GABBR2: variants seen among roughly 807,000 people sequenced by gnomAD.
The protein encoded by GABBR2 is gamma-aminobutyric acid type B receptor subunit 2, also known as G-protein coupled receptor 51.
In GABBR2, 23 loss-of-function variants were observed where a neutral mutation model predicts 105.6. That is an observed-to-expected ratio of 0.22 (90% confidence interval 0.16 to 0.31). The LOEUF (loss-of-function observed/expected upper bound fraction) is 0.31. Among genes scored for constraint, GABBR2 ranks in the 10% least tolerant of loss-of-function variants. GABBR2 has a pLI of 1.00. For synonymous variants in GABBR2, 478 were observed against 499.7 expected, an observed-to-expected ratio of 0.96 and a Z score of 0.58; for missense variants, 734 against 1,245.5, an observed-to-expected ratio of 0.59 and a Z score of 6.18.
intron 11 of GABBR2, among the ~76,000 whole-genome samples, chr9:98,381,238 A>G (rs59263286): frequency 0.05 from 7,571 of 152,328 alleles, 658 homozygotes; most frequent in African/African-American, 0.17. Flanking sequence ...TACAGATGAG[A>G]AAACTGAGGT....
At chr9:98,624,573 AAG>A (rs1829709133) in intron 1 of GABBR2, among the ~76,000 whole-genome samples, 1 of 152,044 alleles carries the variant, frequency 6.6e-6, no homozygotes, top group Non-Finnish European at 1.5e-5. Flanking sequence ...AGTAGGGAGG[AAG>A]AGAGTCTCTC....
intron 3 of GABBR2, among the ~76,000 whole-genome samples, chr9:98,539,961 G>C (rs1191473693): frequency 6.6e-6 from 1 of 150,920 alleles, no homozygotes; most frequent in African/African-American, 2.4e-5. Flanking sequence ...GAAAAAGCAA[G>C]TCTCTCTAAA....
At chr9:98,704,217 A>G (rs911777095) in intron 1 of GABBR2, among the ~76,000 whole-genome samples, 5 of 152,164 alleles carry the variant, frequency 3.3e-5, no homozygotes, top group African/African-American at 1.2e-4. Flanking sequence ...ACAGTCCTTT[A>G]AATCCTTTTT....
intron 1 of GABBR2, among the ~76,000 whole-genome samples, chr9:98,581,850 AC>A (rs1340448331): frequency 1.3e-5 from 2 of 152,262 alleles, no homozygotes; most frequent in Non-Finnish European, 2.9e-5. Context: ...ATTTATTAAT[AC>A]ATGCTTGCTT....
intron 1 of GABBR2, among the ~76,000 whole-genome samples, chr9:98,668,521 C>G (rs772880113): frequency 5.9e-5 from 9 of 152,128 alleles, no homozygotes; most frequent in Non-Finnish European, 1.2e-4. Flanking sequence ...ATACACATAA[C>G]ATAAAATTGA....
chr9:98,464,513 C>A lies in GABBR2; in HGVS notation c.999+8633G>T, dbSNP rs541032498. On this transcript the variant is annotated intron_variant, in intron 6 of 18. Transcript: ENST00000259455. ...AGTGAGGAGTGCCTCTGCCCAGCCG[C>A]CCCGTCTGGGAGGTGGGGGGCGCCT... Among the ~76,000 whole-genome samples the A allele has an allele frequency of 3.2e-4, 48 of 151,516 alleles. No individual in the cohort carries two copies. In the East Asian group the frequency reaches 9.1e-3, roughly 29 times the overall value.
rs1564109423 is a variant in GABBR2, at chr9:98,542,059, G to A, written c.460-16C>T. 1 of 1,612,368 alleles carries A rather than the reference G, an allele frequency of 6.2e-7. No homozygotes were observed. The highest frequency in any genetic ancestry group is 1.1e-5 in the South Asian group (1 of 90,918). On this transcript the variant is annotated splice_polypyrimidine_tract_variant and intron_variant, in intron 2 of 18. Coordinates refer to ENST00000259455, the MANE Select transcript of GABBR2 (RefSeq NM_005458.8). ...CAAAAGAAAGCTGAAAAACACAAAA[G>A]AGACAACGCTTTTTACTGATGAGCC...
intron 3 of GABBR2, among the ~76,000 whole-genome samples, chr9:98,526,720 T>C (rs975409803): frequency 6.6e-6 from 1 of 152,208 alleles, no homozygotes; most frequent in African/African-American, 2.4e-5. Context: ...TCAATACATA[T>C]GTCTTAAATG....
At chr9:98,704,333 T>C (rs1363625309) in intron 1 of GABBR2, among the ~76,000 whole-genome samples, 1 of 152,212 alleles carries the variant, frequency 6.6e-6, no homozygotes, top group Admixed American at 6.5e-5. Context: ...ATCAGGGTGG[T>C]CTTTCTGACA....
intron 12 of GABBR2, among the ~76,000 whole-genome samples, chr9:98,364,213 G>C (rs1013107229): frequency 6.6e-6 from 1 of 152,184 alleles, no homozygotes; most frequent in African/African-American, 2.4e-5. Flanking sequence ...CAGAAACCCA[G>C]CTTAACTCTC....
At chr9:98,686,006 A>G (rs1309501164) in intron 1 of GABBR2, among the ~76,000 whole-genome samples, 4 of 152,124 alleles carry the variant, frequency 2.6e-5, no homozygotes, top group African/African-American at 9.7e-5. Context: ...AACTTTAGTC[A>G]GGCTCCTCTG....
At chr9:98,376,783 GGGAACGGT>G (rs1831881939) in intron 11 of GABBR2, among the ~76,000 whole-genome samples, 1 of 152,194 alleles carries the variant, frequency 6.6e-6, no homozygotes, top group South Asian at 2.1e-4. Flanking sequence ...GCCTTTCTGG[GGGAACGGT>G]GCAGGGGGCA....
At chr9:98,524,810 A>T (rs902669106) in intron 3 of GABBR2, among the ~76,000 whole-genome samples, 4 of 152,080 alleles carry the variant, frequency 2.6e-5, no homozygotes, top group Non-Finnish European at 4.4e-5. Flanking sequence ...TAAGTCAGAT[A>T]AAATCCCTCT....
chr9:98,518,432 G>A (rs909024227), intron 3 of GABBR2, among the ~76,000 whole-genome samples: 8 of 152,128 alleles, frequency 5.3e-5, no homozygotes, highest in South Asian at 2.1e-4. Flanking sequence ...CCATGCATGC[G>A]CGAATCCCCT....
chr9:98,358,362 G>T (rs1004090053), intron 13 of GABBR2, among the ~76,000 whole-genome samples: 2 of 152,220 alleles, frequency 1.3e-5, no homozygotes, highest in South Asian at 2.1e-4. Context: ...CTCAGCACTT[G>T]GTTCACTGGA....
At chr9:98,311,736 A>G (rs1224596136) in intron 13 of GABBR2, among the ~76,000 whole-genome samples, 1 of 152,290 alleles carries the variant, frequency 6.6e-6, no homozygotes, top group Admixed American at 6.5e-5. Context: ...TGTGTACCAC[A>G]TGACTCATCC....
At chr9:98,491,766 C>A (rs937102256) in intron 4 of GABBR2, among the ~76,000 whole-genome samples, 7 of 152,038 alleles carry the variant, frequency 4.6e-5, no homozygotes, top group African/African-American at 1.7e-4. Context: ...TGCCTATTGC[C>A]GTATCTATTT....
At position 98,472,832 on chromosome 9, in the gene GABBR2, A is replaced by T. The variant is rs1333350006; in HGVS notation, c.999+314T>A. 3.9e-5 allele frequency among the ~76,000 whole-genome samples: 6 copies of T among 152,254 alleles called. No homozygotes were observed. In the South Asian group the frequency reaches 1.2e-3, roughly 32 times the overall value. ...ACATCTTAGGTAAAAGGAGCACGGG[A>T]TGAACTTTTACAGAGTCTAAAGGGC... On this transcript the variant is annotated intron_variant, in intron 6 of 18. Transcript: ENST00000259455.
chr9:98,648,760 G>A (rs1830064792), intron 1 of GABBR2, among the ~76,000 whole-genome samples: 1 of 152,160 alleles, frequency 6.6e-6, no homozygotes, highest in African/African-American at 2.4e-5. Context: ...TTTCGAGAAT[G>A]GGGCCTGGAA....
Sources: allele counts gnomAD v4.1 joint callset (sites outside exome capture counted in the v4.1 genomes callset), GRCh38; gene constraint gnomAD v4.1.1; transcripts MANE v1.5; gene names NCBI Gene and HGNC (gene_info 2026-07-23, HGNC 2026-07-21).